The following DYSF variants were observed in gnomAD, a reference collection of about 807,000 sequenced individuals.
DYSF encodes the protein dystrophy-associated fer-1-like 1.
Under a neutral mutation model 274.9 loss-of-function variants are expected in DYSF, and 212 were observed. That is an observed-to-expected ratio of 0.77 (90% confidence interval 0.69 to 0.86). The LOEUF is 0.86. Among genes scored for constraint, DYSF ranks in the 40% least tolerant of loss-of-function variants. The pLI, the probability that DYSF is intolerant of heterozygous loss-of-function variation, is 0.00. For synonymous variants in DYSF, 1,091 were observed against 1,078.7 expected (o/e 1.01, Z -0.22); for missense variants, 2,666 against 2,783.2 (o/e 0.96, Z 0.95).
chr2:71,633,963 C>T (rs994426956), intron 41 of DYSF, among the ~76,000 whole-genome samples: 2 of 152,160 alleles, frequency 1.3e-5, no homozygotes, highest in African/African-American at 2.4e-5. Context: ...ATATTTGGAA[C>T]GTATCATACT....
intron 36 of DYSF, among the ~76,000 whole-genome samples, chr2:71,607,892 G>C (rs941454841): frequency 6.6e-6 from 1 of 152,110 alleles, no homozygotes; most frequent in African/African-American, 2.4e-5. Context: ...AAGATATTGG[G>C]GCTTAGCAGA....
chr2:71,601,477 A>G (rs1320907516), intron 34 of DYSF, 22 bp from the exon 35 acceptor site: 1 of 1,614,016 alleles, frequency 6.2e-7, no homozygotes, highest in Admixed American at 1.7e-5. Flanking sequence ...ACATGACCAG[A>G]GCTCTCTTTT....
chr2:71,665,454 C>A, intron 47 of DYSF, 150 bp downstream of exon 47: 1 of 965,222 alleles, frequency 1.0e-6, no homozygotes, highest in East Asian at 2.6e-5. Flanking sequence ...ATGGGCTCCA[C>A]TTGCACTTGG....
intron 41 of DYSF, among the ~76,000 whole-genome samples, chr2:71,636,954 G>A (rs549402690): frequency 6.6e-6 from 1 of 152,308 alleles, no homozygotes; most frequent in East Asian, 1.9e-4. Context: ...GACCACTTCT[G>A]CCAAATACTG....
At chr2:71,675,682 GAGGAATTAGAAAATGCAGGTA>G (rs1247833562) in intron 52 of DYSF, among the ~76,000 whole-genome samples, 4 of 152,098 alleles carry the variant, frequency 2.6e-5, no homozygotes, top group Non-Finnish European at 4.4e-5. Flanking sequence ...AATTCCTGTA[GAGGAATTAGAAAATGCAGGTA>G]AGGAATTAGA....
In DYSF at chr2:71,665,223, C is replaced by T; in HGVS notation, c.5236C>T (p.Gln1746Ter). 6.2e-7 allele frequency: 1 copy of T among 1,614,114 alleles called. No individual in the cohort carries two copies. Among genetic ancestry groups the T allele is most frequent in the Non-Finnish European group, 8.5e-7 (1 of 1,180,032 alleles). The change falls in exon 47 of 56, where the codon CAG becomes TAG. Residue 1746 changes from glutamine (Q) to a stop codon, truncating the protein, a stop_gained. Transcript: ENST00000410020. LOFTEE classifies it high-confidence loss of function. ...CTCCCAGCTCCTCCACCTCTTCTGC[C>T]AGCAGCATAGAGTCAAGGCACCTGT... is the stretch of plus-strand genomic sequence containing the variant. Reference protein sequence around the residue: ...RPSQLLHLFCQQHRVKAPVYR... With the variant: ...RPSQLLHLFC
Position 71,686,632 on chromosome 2 carries a change from C to A in DYSF, c.*140C>A. 1 of 945,324 alleles carries A rather than the reference C, an allele frequency of 1.1e-6. No individual in the cohort carries two copies. Among genetic ancestry groups the A allele is most frequent in the Non-Finnish European group, 1.7e-6 (1 of 587,462 alleles). 58.6% of individuals were successfully genotyped at this position (945,324 alleles called of 1,614,324 possible). A position where few individuals can be genotyped will look rare whatever the true frequency, so the allele number is the denominator to read the frequency against. ...CAGGGTGGGCAGACAGACAGATGGA[C>A]CGGCCCACACTCCCAGAGTTGCTAA... On this transcript the variant is annotated 3_prime_UTR_variant, in exon 56 of 56. Transcript: ENST00000410020.
chr2:71,611,985 G>A (rs576046004), intron 38 of DYSF, among the ~76,000 whole-genome samples: 8 of 151,722 alleles, frequency 5.3e-5, no homozygotes, highest in Non-Finnish European at 1.2e-4. Flanking sequence ...TTCTGACCAT[G>A]TCCTCCCCCA....
At chr2:71,659,104 C>G (rs2094830880) in intron 44 of DYSF, 71 bp downstream of exon 44, 1 of 1,597,332 alleles carries the variant, frequency 6.3e-7, no homozygotes, top group African/African-American at 1.3e-5. Flanking sequence ...AGAACCTGGA[C>G]ACAAACTCTG....
At chr2:71,589,870 CCTAT>C (rs932312969) in intron 31 of DYSF, among the ~76,000 whole-genome samples, 184 bp downstream of exon 31, 5 of 152,070 alleles carry the variant, frequency 3.3e-5, no homozygotes, top group South Asian at 2.1e-4. Flanking sequence ...CGTGTCCGTG[CCTAT>C]CTGTGTGGTG....
chr2:71,497,065 A>G (rs1489545611), intron 3 of DYSF, among the ~76,000 whole-genome samples: 1 of 152,236 alleles, frequency 6.6e-6, no homozygotes, highest in Non-Finnish European at 1.5e-5. Context: ...AACTAATAAC[A>G]GTACCTACCC....
Position 71,480,753 on chromosome 2 carries a change from G to C in DYSF, c.92-130G>C, listed in dbSNP as rs2082816020. The C allele has an allele frequency of 6.2e-6, 5 of 805,894 alleles. No individual in the cohort carries two copies. The Admixed American group carries it at 8.0e-5, about 13-fold the overall frequency. 49.9% of individuals were successfully genotyped at this position (805,894 alleles called of 1,614,324 possible). ...CATTGCAGACTGGCGGGTTCTCAGG[G>C]AATCTGTTGATTTTGTAAGATTTCC... On this transcript the variant is annotated intron_variant, in intron 1 of 55. Transcript: ENST00000410020.
chr2:71,577,077 A>C (rs1553363515), intron 30 of DYSF: 1 of 152,882 alleles, frequency 6.5e-6, no homozygotes, highest in Non-Finnish European at 1.5e-5. Flanking sequence ...GTGGCTTCAG[A>C]GGGCAGATCC....
chr2:71,574,339 C>A lies in DYSF; in HGVS notation c.3370C>A (p.Pro1124Thr), dbSNP rs1187815687. ...CATGGAGCCACTGGAGAAGACGGGG[C>A]CTGCAGCTGTGTTTGCCCTTGAGGG... ...RRMEPLEKTGPAAVFALEGAL... is the reference protein window; with the variant it reads ...RRMEPLEKTGTAAVFALEGAL... The change falls in exon 30 of 56, where the codon CCT becomes ACT. Residue 1124 changes from proline (P) to threonine (T), a missense_variant. Physicochemically the swap from Pro to Thr is conservative, Grantham distance 38. Transcript: ENST00000410020. 12 of 1,614,008 alleles carry A rather than the reference C, an allele frequency of 7.4e-6. No homozygotes were observed. The highest frequency in any genetic ancestry group is 1.1e-5 in the South Asian group (1 of 91,076).
intron 40 of DYSF, among the ~76,000 whole-genome samples, chr2:71,619,478 G>A (rs1466787304): frequency 6.6e-6 from 1 of 152,170 alleles, no homozygotes; most frequent in East Asian, 1.9e-4. Context: ...CACCTTCCGT[G>A]GGTTTCTTTG....
chr2:71,660,600 T>C lies in DYSF; in HGVS notation c.4952T>C (p.Val1651Ala), dbSNP rs2152943225. 1 of 1,614,138 alleles carries C rather than the reference T, an allele frequency of 6.2e-7. No individual in the cohort carries two copies. Among genetic ancestry groups the C allele is most frequent in the Non-Finnish European group, 8.5e-7 (1 of 1,179,988 alleles). Reference sequence around the variant, plus strand: ...AAGATCTCCATAGGGAAGAAATCAGTGAGTGACCAGGATAACTACATCCCC... The same window carrying C: ...AAGATCTCCATAGGGAAGAAATCAGCGAGTGACCAGGATAACTACATCCCC... ...YIKISIGKKSVSDQDNYIPCT... is the reference protein window; with the variant it reads ...YIKISIGKKSASDQDNYIPCT... Residue 1651 changes from valine to alanine, a missense_variant, in exon 45 of 56, where the codon GTG (valine) becomes GCG (alanine). Coordinates refer to ENST00000410020, the MANE Select transcript of DYSF (RefSeq NM_001130987.2).
intron 4 of DYSF, among the ~76,000 whole-genome samples, chr2:71,508,939 G>A (rs1160026981): frequency 3.3e-5 from 5 of 151,700 alleles, no homozygotes; most frequent in East Asian, 1.9e-4. Context: ...TGCAGCCTCC[G>A]CCTCCCGGGT....
chr2:71,563,019 A>G (rs1165771357), intron 23 of DYSF, among the ~76,000 whole-genome samples: 2 of 152,220 alleles, frequency 1.3e-5, no homozygotes, highest in Non-Finnish European at 2.9e-5. Flanking sequence ...TTGCATGTGC[A>G]TCAGAATCCC....
chr2:71,549,914 A>G (rs1349906116), intron 17 of DYSF, among the ~76,000 whole-genome samples: 1 of 152,182 alleles, frequency 6.6e-6, no homozygotes, highest in Admixed American at 6.5e-5. Context: ...TAGGAGACAG[A>G]AGGTGTTGAA....
Sources: gnomAD v4.1 joint callset for allele counts (sites outside exome capture counted in the v4.1 genomes callset) on GRCh38, gnomAD v4.1.1 for gene constraint, MANE v1.5 for transcripts, NCBI Gene and HGNC (gene_info 2026-07-23, HGNC 2026-07-21) for gene names.